The following DDX54 variants were observed in gnomAD, a reference collection of about 807,000 sequenced individuals.
The protein encoded by DDX54 is DEAD-box helicase 54, also known as ATP-dependent RNA helicase DDX54.
Under a neutral mutation model 105.5 loss-of-function variants are expected in DDX54, and 67 were observed. That is an observed-to-expected ratio of 0.64 (90% CI 0.52 to 0.78). The LOEUF is 0.78. Among genes scored for constraint, DDX54 ranks in the 30% least tolerant of loss-of-function variants. The pLI, the probability that DDX54 is intolerant of heterozygous loss-of-function variation, is 0.00. For missense variants in DDX54, 1,206 were observed against 1,230.5 expected (o/e 0.98, Z 0.30); for synonymous variants, 514 against 509.9 (o/e 1.01, Z -0.11).
At chr12:113,182,564 C>CTT (rs1184368637) in intron 1 of DDX54, among the ~76,000 whole-genome samples, 5 of 145,426 alleles carry the variant, frequency 3.4e-5, no homozygotes, top group African/African-American at 2.5e-5. Context: ...CAGTCTTCTT[C>CTT]TTTTTTTTTT....
At chr12:113,167,091 C>T (rs929465672) in intron 12 of DDX54, among the ~76,000 whole-genome samples, 1 of 152,104 alleles carries the variant, frequency 6.6e-6, no homozygotes, top group African/African-American at 2.4e-5. Context: ...ATATATACAA[C>T]AGTAAGCCAA....
At chr12:113,176,720 G>C in intron 7 of DDX54, 120 bp downstream of exon 7, 1 of 1,043,254 alleles carries the variant, frequency 9.6e-7, no homozygotes, top group East Asian at 2.4e-5. Flanking sequence ...CATCTGGGAA[G>C]ACACTGCTTC....
intron 17 of DDX54, 46 bp downstream of exon 17, chr12:113,162,886 G>A (rs141110400): frequency 3.0e-5 from 45 of 1,510,250 alleles, no homozygotes; most frequent in Non-Finnish European, 3.6e-5. Context: ...CAGCTCACTC[G>A]GTCACTCACC....
rs1489545054 is a variant in DDX54 at position 113,158,052 on chromosome 12, T to C, written c.*825A>G. 3.7e-5 allele frequency: 8 copies of C among 215,660 alleles called. No homozygotes were observed. Among genetic ancestry groups the C allele is most frequent in the East Asian group, 2.1e-4 (2 of 9,488 alleles). 13.4% of individuals were successfully genotyped at this position (215,660 alleles called of 1,614,324 possible). The stretch of plus-strand genomic sequence containing the variant: ...GAGATCACCAAGGCCCCCTCCACTA[T>C]GGACTCTGCCAGGTGAGGGGCCCAG... On this transcript the variant is annotated 3_prime_UTR_variant, in exon 20 of 20. Transcript: ENST00000306014. This position sits in a 1 kb window ranked among gnomAD's most constrained non-coding sequence, Gnocchi z 4.9.
In DDX54 at chr12:113,165,713, C is replaced by T. The variant is rs146042540; in HGVS notation, c.1650G>A (p.Ser550=). The change falls in exon 14 of 20, where the codon TCG becomes TCA. Residue 550 remains serine (S), a synonymous_variant. Coordinates refer to ENST00000306014, the MANE Select transcript of DDX54 (RefSeq NM_024072.4). ...VGLGLHPLFS[S]RFEEEELQRL... ...GCTGCAGCTCCTCCTCCTCAAAACG[C>T]GAGCCTGGTAGGAAAGCAGCAAGGT... 378 of 1,613,322 alleles carry T rather than the reference C, an allele frequency of 2.3e-4. 2 individuals carry two copies. In the African/African-American group the frequency reaches 3.8e-3, roughly 16 times the overall value.
At chr12:113,161,182 C>T (rs1952200294) in intron 19 of DDX54, 88 bp downstream of exon 19, 4 of 1,060,566 alleles carry the variant, frequency 3.8e-6, no homozygotes, top group Non-Finnish European at 5.4e-6. Flanking sequence ...TCTGCAGTAG[C>T]CCCTGCACCT....
chr12:113,161,088 CTG>C (rs1052460726), intron 19 of DDX54, among the ~76,000 whole-genome samples, 180 bp downstream of exon 19: 1 of 54,626 alleles, frequency 1.8e-5, no homozygotes, highest in Non-Finnish European at 3.3e-5. Flanking sequence ...AAGGGGGAAA[CTG>C]TGGGTGTGGG....
intron 11 of DDX54, among the ~76,000 whole-genome samples, chr12:113,170,130 G>C (rs1469679542): frequency 6.6e-6 from 1 of 152,146 alleles, no homozygotes; most frequent in Admixed American, 6.6e-5. Flanking sequence ...AATACAGCAA[G>C]GCCCTGCTCA....
At chr12:113,178,312 C>G (rs1312434065) in intron 5 of DDX54, 1 of 152,280 alleles carries the variant, frequency 6.6e-6, no homozygotes, top group Admixed American at 6.6e-5. Flanking sequence ...CCTGTCTGTC[C>G]TGTGAGCTGA....
chr12:113,172,962 T>G (rs1952357539), intron 10 of DDX54, among the ~76,000 whole-genome samples: 1 of 151,264 alleles, frequency 6.6e-6, no homozygotes, highest in Admixed American at 6.6e-5. Context: ...TGCCTTATTA[T>G]GAGGATCACA....
In DDX54 at chr12:113,162,957, T is replaced by G. The variant is rs759467235; in HGVS notation, c.2170A>C (p.Thr724Pro). Residue 724 changes from threonine (T) to proline (P), a missense_variant, in exon 17 of 20, where the codon ACG (threonine) becomes CCG (proline). By Grantham distance (38) the Thr-to-Pro change is conservative. Around this residue, in one of 3 missense-constraint regions of DDX54, gnomAD observed 961 missense variants for 1,019.1 expected, o/e 0.94. Coordinates refer to ENST00000306014, the MANE Select transcript of DDX54 (RefSeq NM_024072.4). ...DLMGDEAQNLTRGRQQLKWDR... is the reference protein window; with the variant it reads ...DLMGDEAQNLPRGRQQLKWDR... ...CACTTGAGCTGCTGCCGGCCCCTCG[T>G]CAGGTTCTGGGCTTCATCCCCCATC... 6.2e-7 allele frequency: 1 copy of G among 1,606,384 alleles called. No homozygotes were observed. Among genetic ancestry groups the G allele is most frequent in the South Asian group, 1.1e-5 (1 of 90,826 alleles).
chr12:113,175,937 A>G (rs1952397059), intron 7 of DDX54, among the ~76,000 whole-genome samples: 1 of 152,080 alleles, frequency 6.6e-6, no homozygotes, highest in Non-Finnish European at 1.5e-5. Flanking sequence ...TGGGTGACAG[A>G]GCAAGACCCT....
chr12:113,174,513 T>C, intron 10 of DDX54, 127 bp downstream of exon 10: 2 of 1,328,996 alleles, frequency 1.5e-6, no homozygotes. Context: ...AAAATAAAAA[T>C]GACCATCTTG....
rs750935223 is a variant in DDX54 at position 113,174,685 on chromosome 12, G to A, written c.1023C>T (p.Thr341=). The A allele has an allele frequency of 4.3e-6, 7 of 1,609,622 alleles. No homozygotes were observed. Among genetic ancestry groups the A allele is most frequent in the African/African-American group, 4.0e-5 (3 of 74,854 alleles). Residue 341 remains threonine (T), a synonymous_variant, in exon 10 of 20, where the codon ACC becomes ACT. Coordinates refer to ENST00000306014, the MANE Select transcript of DDX54 (RefSeq NM_024072.4). ...LHNVVRPQDQ[T]VVFVATKHHA... ...GGTGCTTCGTGGCCACAAACACCAC[G>A]GTCTGGTCCTGGGGCCGCACCACGT...
rs1232861287 is a variant in DDX54 at position 113,169,937 on chromosome 12, C to G, written c.1280-33G>C. 3 of 1,611,954 alleles carry G rather than the reference C, an allele frequency of 1.9e-6. No individual in the cohort carries two copies. The South Asian group carries it at 3.3e-5, about 18-fold the overall frequency. On this transcript the variant is annotated intron_variant, in intron 11 of 19. Coordinates refer to ENST00000306014, the MANE Select transcript of DDX54 (RefSeq NM_024072.4). ...AAGGAGACGTTCAAGCTTAATTAAG[C>G]AAAGAAGGACCCGGACCCAGCATGA...
Position 113,161,920 on chromosome 12 carries a change from T to C in DDX54, c.2273A>G (p.Tyr758Cys), listed in dbSNP as rs1952213308. 4 of 1,612,150 alleles carry C rather than the reference T, an allele frequency of 2.5e-6. No individual in the cohort carries two copies. Among genetic ancestry groups the C allele is most frequent in the Non-Finnish European group, 3.4e-6 (4 of 1,179,470 alleles). Residue 758 changes from tyrosine (Y) to cysteine (C), a missense_variant, in exon 18 of 20, where the codon TAC becomes TGC. Around this residue, in one of 3 missense-constraint regions of DDX54, gnomAD observed 961 missense variants for 1,019.1 expected, o/e 0.94. Transcript: ENST00000306014. ...KKKIKTESGR[Y>C]ISSSYKRDLY... is the part of the protein sequence containing the mutation. ...GTCTCGCTTGTAGGAGCTGCTGATG[T>C]AGCGGCCGCTCTCTGTCTTAATCTT...
chr12:113,184,643 A>G (rs1008335011), intron 1 of DDX54, among the ~76,000 whole-genome samples: 5 of 151,954 alleles, frequency 3.3e-5, no homozygotes, highest in African/African-American at 7.2e-5. Flanking sequence ...TGGGCAACAT[A>G]GGGAGACCCC....
In DDX54 at chr12:113,185,390, C is replaced by T. The variant is rs578209844; in HGVS notation, c.62G>A (p.Arg21Lys). ...GCGCTTCCGGAGCCCTTTCTTCTTC[C>T]TCCACTGGGCCATGGCAGCTCGCGA... ...PRSRAAMAQW[R>K]KKKGLRKRRG... is the part of the protein sequence containing the mutation. The change falls in exon 1 of 20, where the codon AGG becomes AAG. Residue 21 changes from arginine to lysine, a missense_variant. Arg to Lys is a conservative substitution (Grantham distance 26). Coordinates refer to ENST00000306014, the MANE Select transcript of DDX54 (RefSeq NM_024072.4). 2 of 1,561,204 alleles carry T rather than the reference C, an allele frequency of 1.3e-6. No individual in the cohort carries two copies. The highest frequency in any genetic ancestry group is 4.8e-5 in the East Asian group (2 of 41,410).
Position 113,165,790 on chromosome 12 carries a change from A to G in DDX54, c.1645+12T>C, listed in dbSNP as rs762910560. 6.9e-6 allele frequency: 11 copies of G among 1,600,742 alleles called. No homozygotes were observed. The South Asian group carries it at 1.2e-4, about 18-fold the overall frequency. On this transcript the variant is annotated intron_variant, in intron 13 of 19. Coordinates refer to ENST00000306014, the MANE Select transcript of DDX54 (RefSeq NM_024072.4). ...GCCCACCTGCCACCCCCTGCCTTGT[A>G]GAAGGACTCACTGAAGAGGGGGTGC...
Sources: gnomAD v4.1 joint callset for allele counts (sites outside exome capture counted in the v4.1 genomes callset) on GRCh38, gnomAD v4.1.1 for gene constraint, gnomAD v4.1.1 regional missense constraint, Gnocchi (gnomAD v3.1) non-coding constraint, MANE v1.5 for transcripts, NCBI Gene and HGNC (gene_info 2026-07-23, HGNC 2026-07-21) for gene names.